Variants in ADAM32 observed in about 807,000 individuals in gnomAD.
The protein encoded by ADAM32 is disintegrin and metalloproteinase domain-containing protein 32.
In ADAM32, 89 loss-of-function variants were observed where a neutral mutation model predicts 114.9. That is an observed-to-expected ratio of 0.77 (90% CI 0.65 to 0.92). The LOEUF is 0.92. Ranked by LOEUF, ADAM32 falls within the 40% of genes least tolerant of loss-of-function variation. The probability of loss-of-function intolerance (pLI) is 0.00; values close to 1 mark genes in which losing one functional copy is unlikely to be tolerated. For synonymous variants in ADAM32, 285 were observed against 307.5 expected (o/e 0.93, Z 0.77); for missense variants, 870 against 932.8 (o/e 0.93, Z 0.88).
At chr8:39,142,515 A>T (rs1803226294) in intron 3 of ADAM32, among the ~76,000 whole-genome samples, 1 of 152,194 alleles carries the variant, frequency 6.6e-6, no homozygotes, top group African/African-American at 2.4e-5. Context: ...TTCTTTACGA[A>T]TGTTGAATAT....
intron 11 of ADAM32, 84 bp downstream of exon 11, chr8:39,187,129 A>G: frequency 1.5e-6 from 2 of 1,321,404 alleles, no homozygotes; most frequent in Middle Eastern, 1.9e-4. Context: ...TACTTAAAGC[A>G]CAAATTAGCT....
chr8:39,232,744 G>A (rs1330605418), intron 15 of ADAM32, among the ~76,000 whole-genome samples: 2 of 152,082 alleles, frequency 1.3e-5, no homozygotes. Flanking sequence ...TGACTCAGAT[G>A]GTGTCTCCTC....
intron 20 of ADAM32, 96 bp downstream of exon 20, chr8:39,271,010 T>C (rs1040837002): frequency 5.1e-6 from 6 of 1,171,308 alleles, no homozygotes; most frequent in African/African-American, 3.1e-5. Context: ...TGAACATCAA[T>C]TGGTAAAGCA....
chr8:39,148,904 T>C (rs1168606455), intron 4 of ADAM32, among the ~76,000 whole-genome samples: 1 of 152,198 alleles, frequency 6.6e-6, no homozygotes, highest in Admixed American at 6.5e-5. Context: ...CTAGCTTGAT[T>C]GTACTGTGCT....
intron 21 of ADAM32, among the ~76,000 whole-genome samples, chr8:39,275,500 C>T (rs532049128): frequency 3.3e-5 from 5 of 152,200 alleles, no homozygotes; most frequent in East Asian, 1.9e-4. Context: ...TATTTATCAA[C>T]GGATAGACTC....
At chr8:39,264,994 G>C (rs1394017272) in intron 19 of ADAM32, among the ~76,000 whole-genome samples, 2 of 152,102 alleles carry the variant, frequency 1.3e-5, no homozygotes, top group African/African-American at 4.8e-5. Context: ...TGTCTGTTAG[G>C]TCTACTTGGT....
At chr8:39,167,657 C>A (rs999526865) in intron 9 of ADAM32, 1 of 152,050 alleles carries the variant, frequency 6.6e-6, no homozygotes, top group Non-Finnish European at 1.5e-5. Context: ...AATATTGATT[C>A]GATCCATCCA....
At chr8:39,165,608 C>G (rs1804780603) in intron 9 of ADAM32, 1 of 152,896 alleles carries the variant, frequency 6.5e-6, no homozygotes, top group Non-Finnish European at 1.5e-5. Context: ...AAAGACTTTA[C>G]CCTAATGAAT....
intron 20 of ADAM32, among the ~76,000 whole-genome samples, chr8:39,272,101 G>GAAAAAAAAAAAAAAAAAAAAAAAAAA (rs11366445): frequency 1.1e-4 from 7 of 65,808 alleles, no homozygotes; most frequent in Admixed American, 3.6e-4. Context: ...GTGAGCTCCA[G>GAAAAAAAAAAAAAAAAAAAAAAAAAA]AAAAAAAAAA....
chr8:39,283,724 G>T (rs1813592086), intron 24 of ADAM32, 100 bp downstream of exon 24: 5 of 823,770 alleles, frequency 6.1e-6, no homozygotes, highest in Non-Finnish European at 9.3e-6. Flanking sequence ...CTGGGTAGAT[G>T]AATTGGTAAA....
chr8:39,174,599 G>A (rs185208598), intron 10 of ADAM32, among the ~76,000 whole-genome samples: 48 of 151,712 alleles, frequency 3.2e-4, no homozygotes, highest in Non-Finnish European at 5.7e-4. Context: ...TTGCTGGTGC[G>A]CTGCACCCAC....
chr8:39,257,055 T>C (rs1401470541), intron 18 of ADAM32, 132 bp from the exon 19 acceptor site: 1 of 987,596 alleles, frequency 1.0e-6, no homozygotes, highest in African/African-American at 1.6e-5. Flanking sequence ...ATTACAATTC[T>C]ATAATGATTT....
intron 14 of ADAM32, among the ~76,000 whole-genome samples, chr8:39,226,351 A>G (rs1774351452): frequency 6.6e-6 from 1 of 152,166 alleles, no homozygotes; most frequent in Non-Finnish European, 1.5e-5. Context: ...AAAACTTCCA[A>G]AATCTTAGGA....
Position 39,129,688 on chromosome 8 carries a change from T to C in ADAM32, c.139-6969T>C, listed in dbSNP as rs1802326029. 3.3e-5 allele frequency among the ~76,000 whole-genome samples: 5 copies of C among 152,308 alleles called. No individual in the cohort carries two copies. The South Asian group carries it at 1.0e-3, about 32-fold the overall frequency. On this transcript the variant is annotated intron_variant, in intron 2 of 24. Coordinates refer to ENST00000379907, the MANE Select transcript of ADAM32 (RefSeq NM_145004.7). ...TATAACCACCATAATTCTGACCTCATAGACTATATTTAGAAATGTTTCTTC... is the reference window on the plus strand; with the variant it reads ...TATAACCACCATAATTCTGACCTCACAGACTATATTTAGAAATGTTTCTTC...
chr8:39,272,477 A>G (rs756788537), intron 20 of ADAM32, among the ~76,000 whole-genome samples: 2 of 152,250 alleles, frequency 1.3e-5, no homozygotes, highest in African/African-American at 2.4e-5. Context: ...GTTATATCCT[A>G]TAACCTTATA....
chr8:39,268,455 C>T (rs11996112), intron 19 of ADAM32, among the ~76,000 whole-genome samples: 76,697 of 152,026 alleles, frequency 0.5, 21,013 homozygotes, highest in African/African-American at 0.74. Context: ...CTTTTGATCA[C>T]TTTTGAAATG....
chr8:39,211,068 T>G (rs1471103182), intron 11 of ADAM32, 76 bp from the exon 12 acceptor site: 1 of 1,206,556 alleles, frequency 8.3e-7, no homozygotes, highest in Non-Finnish European at 1.1e-6. Flanking sequence ...TTTAACATTT[T>G]GAAATTAATT....
chr8:39,214,900 T>G (rs1808461919), intron 12 of ADAM32, among the ~76,000 whole-genome samples: 1 of 152,082 alleles, frequency 6.6e-6, no homozygotes, highest in African/African-American at 2.4e-5. Flanking sequence ...TTCATTGTCA[T>G]GCATGTGGAT....
Position 39,270,765 on chromosome 8 carries a change from AT to A in ADAM32, c.2163-110del. Reference sequence around the variant, plus strand: ...CCTTTGGACAATATTTTATTTTTTAATAATTAGTCTTATAAGGAGATAATAC... The same window carrying A: ...CCTTTGGACAATATTTTATTTTTTAAAATTAGTCTTATAAGGAGATAATAC... On this transcript the variant is annotated intron_variant, in intron 19 of 24. Transcript: ENST00000379907. 4 of 811,714 alleles carry A rather than the reference AT, an allele frequency of 4.9e-6. No individual in the cohort carries two copies. In the South Asian group the frequency reaches 6.7e-5, roughly 14 times the overall value. The allele number at this position is 811,714 out of a possible 1,614,324, so 50.3% of individuals were successfully genotyped here. A position where few individuals can be genotyped will look rare whatever the true frequency, so the allele number is the denominator to read the frequency against.
Sources: allele counts gnomAD v4.1 joint callset (sites outside exome capture counted in the v4.1 genomes callset), GRCh38; gene constraint gnomAD v4.1.1; transcripts MANE v1.5; gene names NCBI Gene and HGNC (gene_info 2026-07-23, HGNC 2026-07-21).